Variants in MAGI2 observed in about 807,000 individuals in gnomAD.
MAGI2 encodes membrane-associated guanylate kinase, WW and PDZ domain-containing protein 2.
A neutral mutation model predicts 133.3 loss-of-function variants in MAGI2; 35 were observed. That is an observed-to-expected ratio of 0.26 (90% CI 0.20 to 0.35). The LOEUF (loss-of-function observed/expected upper bound fraction) is 0.35. MAGI2 is among the 10% of genes least tolerant of loss of function. The pLI is 1.00. For missense variants in MAGI2, 1,636 were observed against 1,863.4 expected, an observed-to-expected ratio of 0.88 and a Z score of 2.25; for synonymous variants, 729 against 710.6, an observed-to-expected ratio of 1.03 and a Z score of -0.41.
intron 1 of MAGI2, among the ~76,000 whole-genome samples, chr7:79,416,896 G>A (rs1846570722): frequency 6.6e-6 from 1 of 151,230 alleles, no homozygotes; most frequent in African/African-American, 2.4e-5. Flanking sequence ...CACCATGCCT[G>A]AAAAATTTTT....
intron 1 of MAGI2, among the ~76,000 whole-genome samples, chr7:79,371,200 T>C (rs761612052): frequency 2.8e-4 from 43 of 152,270 alleles, no homozygotes; most frequent in Non-Finnish European, 4.3e-4. Context: ...TTAACTTTCA[T>C]GTTCAGTCTC....
At chr7:78,813,562 G>T (rs1263762877) in intron 2 of MAGI2, among the ~76,000 whole-genome samples, 3 of 152,082 alleles carry the variant, frequency 2.0e-5, no homozygotes, top group Non-Finnish European at 2.9e-5. Flanking sequence ...GAGACGGGCG[G>T]ATCACGAGGT....
intron 2 of MAGI2, among the ~76,000 whole-genome samples, chr7:78,888,958 GACA>G (rs562912927): frequency 0.01 from 1,542 of 152,178 alleles, 24 homozygotes; most frequent in African/African-American, 0.035. Flanking sequence ...TCGAACCCAT[GACA>G]AAGAAGTTAA....
chr7:78,702,910 A>C (rs527420748), intron 2 of MAGI2, among the ~76,000 whole-genome samples: 21 of 141,482 alleles, frequency 1.5e-4, no homozygotes, highest in African/African-American at 5.6e-4. Flanking sequence ...GCAGATTTGG[A>C]GTCACCAGTT....
At chr7:78,788,697 C>A (rs1243079697) in intron 2 of MAGI2, among the ~76,000 whole-genome samples, 1 of 151,952 alleles carries the variant, frequency 6.6e-6, no homozygotes, top group African/African-American at 2.4e-5. Context: ...ACACCTCACC[C>A]TTTTTTATTC....
At chr7:78,820,407 G>A (rs567669161) in intron 2 of MAGI2, among the ~76,000 whole-genome samples, 51 of 151,932 alleles carry the variant, frequency 3.4e-4, no homozygotes, top group African/African-American at 1.2e-3. Flanking sequence ...CATTTAAAAT[G>A]AACAAACCTG....
chr7:78,602,428 G>A (rs750716971), intron 3 of MAGI2, among the ~76,000 whole-genome samples: 11 of 151,818 alleles, frequency 7.2e-5, no homozygotes, highest in Non-Finnish European at 1.3e-4. Context: ...CCAAAGTGCT[G>A]GGATTACAGG....
intron 2 of MAGI2, among the ~76,000 whole-genome samples, chr7:78,881,006 C>T (rs914776646): frequency 3.7e-4 from 57 of 152,230 alleles, no homozygotes; most frequent in African/African-American, 1.3e-3. Flanking sequence ...GGGTTCAATT[C>T]AACAAGAAAA....
At chr7:78,224,605 G>A (rs897025144) in intron 10 of MAGI2, among the ~76,000 whole-genome samples, 1 of 152,032 alleles carries the variant, frequency 6.6e-6, no homozygotes, top group African/African-American at 2.4e-5. Flanking sequence ...GGTGGAGGTC[G>A]CAGTGAGCCA....
Position 78,345,923 on chromosome 7 carries a change from T to G in MAGI2, c.1224A>C (p.Arg408=), listed in dbSNP as rs1205544979. 1 of 1,613,922 alleles carries G rather than the reference T, an allele frequency of 6.2e-7. No homozygotes were observed. Among genetic ancestry groups the G allele is most frequent in the Non-Finnish European group, 8.5e-7 (1 of 1,179,954 alleles). ...ATCACATGCTGACAGGTATCATACCTCGGAAACCTGGGGCCTGCAGGGGCT... is the reference window on the plus strand; with the variant it reads ...ATCACATGCTGACAGGTATCATACCGCGGAAACCTGGGGCCTGCAGGGGCT... ...GTKPLQAPGF[R]EKPLFTRDAS... The change falls in exon 8 of 22, where the codon CGA becomes CGC. Residue 408 remains arginine, a splice_region_variant and synonymous_variant. Coordinates refer to ENST00000354212, the MANE Select transcript of MAGI2 (RefSeq NM_012301.4).
intron 2 of MAGI2, among the ~76,000 whole-genome samples, chr7:78,872,203 G>GAA (rs548289376): frequency 4.0e-5 from 5 of 126,238 alleles, no homozygotes; most frequent in African/African-American, 1.5e-4. Flanking sequence ...TATAAAGATT[G>GAA]AAAAAAAAAA....
intron 20 of MAGI2, among the ~76,000 whole-genome samples, chr7:78,080,757 C>T (rs1184494972): frequency 3.3e-5 from 5 of 152,134 alleles, no homozygotes; most frequent in Non-Finnish European, 7.3e-5. Context: ...GGCTAACTAC[C>T]TTTCTCCCAA....
chr7:78,070,602 A>G (rs1317134659), intron 21 of MAGI2, among the ~76,000 whole-genome samples: 1 of 46,384 alleles, frequency 2.2e-5, no homozygotes, highest in Non-Finnish European at 6.0e-5. Flanking sequence ...ATGTGTATAT[A>G]TGTGTATATA....
chr7:79,002,912 T>A (rs1807036829), intron 2 of MAGI2, among the ~76,000 whole-genome samples: 1 of 144,632 alleles, frequency 6.9e-6, no homozygotes. Flanking sequence ...GTTTGCTTGT[T>A]TTTTTTTTTT....
At chr7:79,028,297 GTA>G (rs201592550) in intron 1 of MAGI2, among the ~76,000 whole-genome samples, 5,168 of 27,516 alleles carry the variant, frequency 0.19, 331 homozygotes, top group African/African-American at 0.31. Flanking sequence ...ATATATGTGT[GTA>G]TATATATATA....
At chr7:78,869,421 T>G (rs1794846642) in intron 2 of MAGI2, among the ~76,000 whole-genome samples, 1 of 152,208 alleles carries the variant, frequency 6.6e-6, no homozygotes, top group Non-Finnish European at 1.5e-5. Context: ...GATGAGAATC[T>G]AGTTTCATTC....
At chr7:78,284,379 A>G (rs1044491248) in intron 9 of MAGI2, among the ~76,000 whole-genome samples, 5 of 151,632 alleles carry the variant, frequency 3.3e-5, no homozygotes, top group East Asian at 1.9e-4. Flanking sequence ...ACTTTTATCC[A>G]TGTGTCCACT....
chr7:78,967,511 T>C (rs1803423195), intron 2 of MAGI2, among the ~76,000 whole-genome samples: 1 of 152,034 alleles, frequency 6.6e-6, no homozygotes, highest in African/African-American at 2.4e-5. Flanking sequence ...ATTCAAGAAA[T>C]CATTGCCAAG....
intron 2 of MAGI2, among the ~76,000 whole-genome samples, chr7:78,669,929 A>C (rs917514621): frequency 2.6e-5 from 4 of 151,648 alleles, no homozygotes; most frequent in Non-Finnish European, 5.9e-5. Context: ...TCTCAAAATA[A>C]TAAGAGCTAT....
Sources: gnomAD v4.1 joint callset for allele counts (sites outside exome capture counted in the v4.1 genomes callset) on GRCh38, gnomAD v4.1.1 for gene constraint, MANE v1.5 for transcripts, NCBI Gene and HGNC (gene_info 2026-07-23, HGNC 2026-07-21) for gene names.